KIF15: variants seen among roughly 807,000 people sequenced by gnomAD.
KIF15 encodes kinesin-like protein KIF15.
Under a neutral mutation model 190.6 loss-of-function variants are expected in KIF15, and 140 were observed. The ratio of observed to expected loss-of-function variants is 0.73; its 90% CI spans 0.64 to 0.84. The LOEUF (loss-of-function observed/expected upper bound fraction) is 0.84. KIF15 is among the 40% of genes least tolerant of loss of function. The probability of loss-of-function intolerance (pLI) is 0.00; values close to 1 mark genes in which losing one functional copy is unlikely to be tolerated. For synonymous variants in KIF15, 528 were observed against 551.3 expected, an observed-to-expected ratio of 0.96 and a Z score of 0.59; for missense variants, 1,372 against 1,584.4, an observed-to-expected ratio of 0.87 and a Z score of 2.28.
intron 6 of KIF15, among the ~76,000 whole-genome samples, chr3:44,866,457 C>G (rs1699323612): frequency 6.6e-6 from 1 of 152,184 alleles, no homozygotes; most frequent in South Asian, 2.1e-4. Flanking sequence ...TTTCCCAGCA[C>G]AGAGCCTGAA....
downstream of KIF15, among the ~76,000 whole-genome samples, chr3:44,857,860 G>T (rs1158643809): frequency 6.6e-6 from 1 of 152,138 alleles, no homozygotes; most frequent in Non-Finnish European, 1.5e-5. Flanking sequence ...TTTGGAGGGG[G>T]ATACCCAATA....
intron 6 of KIF15, chr3:44,861,923 A>G: frequency 6.9e-7 from 1 of 1,454,366 alleles, no homozygotes; most frequent in Non-Finnish European, 9.0e-7. Context: ...TCAGCAGGCA[A>G]CATGGCCGAG....
At chr3:44,847,821 T>C (rs1698914402) in intron 30 of KIF15, among the ~76,000 whole-genome samples, 164 bp from the exon 31 acceptor site, 1 of 152,264 alleles carries the variant, frequency 6.6e-6, no homozygotes, top group Admixed American at 6.5e-5. Flanking sequence ...CATGTGTCAA[T>C]CACATTTATC....
chr3:44,840,256 A>C, intron 27 of KIF15, 99 bp from the exon 28 acceptor site: 1 of 663,212 alleles, frequency 1.5e-6, no homozygotes, highest in South Asian at 2.0e-5. Flanking sequence ...TTTCATTTGC[A>C]TTTCCCTGAT....
chr3:44,831,150 A>G, intron 26 of KIF15, 132 bp downstream of exon 26: 1 of 1,029,282 alleles, frequency 9.7e-7, no homozygotes, highest in Non-Finnish European at 1.4e-6. Context: ...GATGTGCCTC[A>G]AGACGCTTCA....
chr3:44,846,571 G>A (rs774987136), intron 30 of KIF15, among the ~76,000 whole-genome samples: 1 of 151,998 alleles, frequency 6.6e-6, no homozygotes, highest in Non-Finnish European at 1.5e-5. Context: ...TCAGGAGTTT[G>A]AGACCAGCCT....
intron 22 of KIF15, among the ~76,000 whole-genome samples, chr3:44,826,830 A>G (rs1441025513): frequency 6.6e-6 from 1 of 152,188 alleles, no homozygotes; most frequent in Non-Finnish European, 1.5e-5. Flanking sequence ...ATGTCCCCTA[A>G]CAGGAATGCT....
At chr3:44,846,314 C>T (rs1016424153) in intron 30 of KIF15, among the ~76,000 whole-genome samples, 3 of 152,016 alleles carry the variant, frequency 2.0e-5, no homozygotes, top group Non-Finnish European at 4.4e-5. Flanking sequence ...ACTCAAGGAC[C>T]GTATTTGTGA....
At position 44,821,001 on chromosome 3, in the gene KIF15, C is replaced by A. The variant is rs564750221; in HGVS notation, c.2550-5038C>A. ...GGGGCTGACCCCCCCACCTCCCTCCCGGACGGGGCGGCTGGCCGGGCGGGG... is the reference window on the plus strand; with the variant it reads ...GGGGCTGACCCCCCCACCTCCCTCCAGGACGGGGCGGCTGGCCGGGCGGGG... On this transcript the variant is annotated intron_variant, in intron 20 of 34. Transcript: ENST00000326047. Among the ~76,000 whole-genome samples the A allele has an allele frequency of 2.4e-3, 305 of 126,678 alleles. 2 individuals are homozygous for A. The highest frequency in any genetic ancestry group is 4.3e-3 in the Middle Eastern group (1 of 230). 83.1% of individuals were successfully genotyped at this position (126,678 alleles called of 152,430 possible).
chr3:44,842,155 T>C (rs966933867), intron 29 of KIF15, among the ~76,000 whole-genome samples: 1 of 152,238 alleles, frequency 6.6e-6, no homozygotes, highest in Non-Finnish European at 1.5e-5. Context: ...CATTTTTCTA[T>C]CACTGGACTT....
In KIF15 at chr3:44,800,434, A is replaced by C. The variant is rs1347095426; in HGVS notation, c.1219A>C (p.Arg407=). 6.2e-7 allele frequency: 1 copy of C among 1,613,904 alleles called. No homozygotes were observed. The highest frequency in any genetic ancestry group is 8.5e-7 in the Non-Finnish European group (1 of 1,179,920). Residue 407 remains arginine, a synonymous_variant, in exon 11 of 35, where the codon AGA becomes CGA. Coordinates refer to ENST00000326047, the MANE Select transcript of KIF15 (RefSeq NM_020242.3). ...GACACCACCAGAAAGCTTCCTGACCAGAGGTAGGATGAGCACACAGTCCTT... is the reference window on the plus strand; with the variant it reads ...GACACCACCAGAAAGCTTCCTGACCCGAGGTAGGATGAGCACACAGTCCTT... The part of the protein sequence containing the change: ...GQTPPESFLT[R]DKKKTNYMEY...
chr3:44,791,998 C>T (rs1706728584), intron 7 of KIF15, among the ~76,000 whole-genome samples: 1 of 151,866 alleles, frequency 6.6e-6, no homozygotes, highest in Non-Finnish European at 1.5e-5. Context: ...GGATTACAGG[C>T]GTGAGCCATA....
intron 20 of KIF15, among the ~76,000 whole-genome samples, chr3:44,821,041 A>C (rs1230353397): frequency 1.2e-4 from 10 of 84,312 alleles, no homozygotes; most frequent in African/African-American, 2.9e-4. Context: ...TGACCCCCCC[A>C]CCTCCCTCCC....
intron 20 of KIF15, among the ~76,000 whole-genome samples, chr3:44,818,569 A>AG (rs1480329510): frequency 2.0e-5 from 3 of 152,258 alleles, no homozygotes; most frequent in Admixed American, 6.5e-5. Context: ...ATGTTGAAGC[A>AG]GCCTTGCATG....
chr3:44,761,803 C>A lies in KIF15; in HGVS notation c.-63C>A. 3.7e-6 allele frequency: 6 copies of A among 1,610,970 alleles called. No individual in the cohort carries two copies. Among genetic ancestry groups the A allele is most frequent in the Non-Finnish European group, 4.2e-6 (5 of 1,177,276 alleles). On this transcript the variant is annotated 5_prime_UTR_variant, in exon 1 of 35. Transcript: ENST00000326047. ...TGAGCGGGCGGAATTCAGTCGCGCG[C>A]GGTGCAGTCGGGAGGTGGAGGCACC...
At chr3:44,773,840 G>C (rs1364690623) in intron 1 of KIF15, among the ~76,000 whole-genome samples, 1 of 152,172 alleles carries the variant, frequency 6.6e-6, no homozygotes, top group Admixed American at 6.5e-5. Flanking sequence ...GACCAGGAAA[G>C]ATTAGGCACA....
rs1429259082 is a variant in KIF15 at position 44,848,045 on chromosome 3, A to G, written c.3756A>G (p.Glu1252=). The part of the protein sequence containing the change: ...LKNEQEESIK[E]RLAKSKIVEE... The stretch of plus-strand genomic sequence containing the variant: ...ATGAACAAGAAGAAAGTATCAAAGA[A>G]AGACTTGCAAAAGTAAGATTTTTTT... Residue 1252 remains glutamate, a synonymous_variant, in exon 31 of 35, where the codon GAA becomes GAG. Coordinates refer to ENST00000326047, the MANE Select transcript of KIF15 (RefSeq NM_020242.3). 6.2e-7 allele frequency: 1 copy of G among 1,605,702 alleles called. No individual in the cohort carries two copies. Among genetic ancestry groups the G allele is most frequent in the Non-Finnish European group, 8.5e-7 (1 of 1,173,994 alleles).
chr3:44,831,589 A>T (rs1698074341), intron 26 of KIF15, among the ~76,000 whole-genome samples: 1 of 152,074 alleles, frequency 6.6e-6, no homozygotes, highest in East Asian at 1.9e-4. Flanking sequence ...GATAAGTTTT[A>T]TTTTTGTTTT....
chr3:44,800,303 T>A lies in KIF15; in HGVS notation c.1099-11T>A. ...CATTATTTTAATGCTTTTTAAAAAA[T>A]TCCTGAACAGGCAGTAGTAAATGAA... On this transcript the variant is annotated splice_polypyrimidine_tract_variant and intron_variant, in intron 10 of 34. Transcript: ENST00000326047. 1 of 1,612,828 alleles carries A rather than the reference T, an allele frequency of 6.2e-7. No individual in the cohort carries two copies. The highest frequency in any genetic ancestry group is 8.5e-7 in the Non-Finnish European group (1 of 1,179,508).
Sources: allele counts gnomAD v4.1 joint callset (sites outside exome capture counted in the v4.1 genomes callset), GRCh38; gene constraint gnomAD v4.1.1; transcripts MANE v1.5; gene names NCBI Gene and HGNC (gene_info 2026-07-23, HGNC 2026-07-21).